The following SHQ1 variants were observed in gnomAD, a reference collection of about 807,000 sequenced individuals.
SHQ1 encodes the protein SHQ1, H/ACA ribonucleoprotein assembly factor.
In SHQ1, 49 loss-of-function variants were observed where a neutral mutation model predicts 53.8. That is an observed-to-expected ratio of 0.91 (90% confidence interval 0.72 to 1.16). The LOEUF (loss-of-function observed/expected upper bound fraction) is 1.16, where lower values mean the gene tolerates loss of function less well. Ranked by LOEUF, SHQ1 falls within the 50% of genes most tolerant of loss-of-function variation. The pLI, the probability that SHQ1 is intolerant of heterozygous loss-of-function variation, is 0.00. For synonymous variants in SHQ1, 243 were observed against 251.0 expected, an observed-to-expected ratio of 0.97 and a Z score of 0.30; for missense variants, 738 against 683.1, an observed-to-expected ratio of 1.08 and a Z score of -0.90.
At chr3:72,770,705 A>G (rs1705827243) in intron 10 of SHQ1, among the ~76,000 whole-genome samples, 1 of 152,236 alleles carries the variant, frequency 6.6e-6, no homozygotes. Context: ...GGGAATCAGA[A>G]CAATACACCT....
At chr3:72,731,180 G>A in the SHQ1 span, among the ~76,000 whole-genome samples, 1 of 135,698 alleles carries the variant, frequency 7.4e-6, no homozygotes, top group Non-Finnish European at 1.6e-5. Flanking sequence ...CCATGGGCCA[G>A]GCATCCAAAA....
chr3:72,793,139 A>C lies in SHQ1; in HGVS notation c.1061-103T>G. ...AGCTCAGAATCCTGATCATTTCTTA[A>C]GAACATTTTTAAATGCAAAAAAATT... On this transcript the variant is annotated intron_variant, in intron 9 of 10. Transcript: ENST00000325599. 3 of 1,094,476 alleles carry C rather than the reference A, an allele frequency of 2.7e-6. No homozygotes were observed. In the South Asian group the frequency reaches 4.8e-5, roughly 17 times the overall value. 67.8% of individuals were successfully genotyped at this position (1,094,476 alleles called of 1,614,324 possible).
At chr3:72,823,449 G>A (rs1227776167) in intron 6 of SHQ1, among the ~76,000 whole-genome samples, 1 of 152,108 alleles carries the variant, frequency 6.6e-6, no homozygotes, top group Non-Finnish European at 1.5e-5. Context: ...CAGAATGAGT[G>A]GTCAAAGAAG....
intron 10 of SHQ1, chr3:72,773,345 C>T (rs1705893677): frequency 1.8e-6 from 1 of 562,424 alleles, no homozygotes; most frequent in African/African-American, 1.9e-5. Context: ...GAGTATACTC[C>T]AACAAGGAAG....
the SHQ1 span, among the ~76,000 whole-genome samples, chr3:72,731,358 AT>A: frequency 6.6e-6 from 1 of 151,560 alleles, no homozygotes; most frequent in Non-Finnish European, 1.5e-5. Flanking sequence ...ATTTCCATAA[AT>A]TCTTTTCAAT....
intron 10 of SHQ1, among the ~76,000 whole-genome samples, chr3:72,751,494 G>GTACATATATATA (rs1431742565): frequency 8.2e-5 from 8 of 97,530 alleles, no homozygotes; most frequent in African/African-American, 1.1e-4. Flanking sequence ...GTGTGTGTGT[G>GTACATATATATA]TGTGTGTGTG....
At chr3:72,726,097 G>C in the SHQ1 span, among the ~76,000 whole-genome samples, 1 of 152,074 alleles carries the variant, frequency 6.6e-6, no homozygotes, top group Non-Finnish European at 1.5e-5. Context: ...TTAAGATCCA[G>C]TCTCTACCAA....
chr3:72,838,830 CA>C (rs1392063154), intron 4 of SHQ1, among the ~76,000 whole-genome samples: 3 of 150,876 alleles, frequency 2.0e-5, no homozygotes. Flanking sequence ...GGGATGTAAA[CA>C]AAAAGGGATT....
chr3:72,744,002 CA>C, the SHQ1 span, among the ~76,000 whole-genome samples: 1 of 152,090 alleles, frequency 6.6e-6, no homozygotes, highest in Non-Finnish European at 1.5e-5. Flanking sequence ...GAGAGCAACG[CA>C]GGAGCAAACA....
At chr3:72,750,972 C>T (rs1705353739) in intron 10 of SHQ1, 136 bp from the exon 11 acceptor site, 1 of 615,728 alleles carries the variant, frequency 1.6e-6, no homozygotes, top group African/African-American at 1.9e-5. Context: ...ATAACAGATC[C>T]AAGATATTTA....
chr3:72,726,153 C>G, the SHQ1 span, among the ~76,000 whole-genome samples: 1 of 152,118 alleles, frequency 6.6e-6, no homozygotes. Flanking sequence ...GATAAAGAAA[C>G]TGAGGCACCA....
At chr3:72,759,389 A>C (rs1232299287) in intron 10 of SHQ1, among the ~76,000 whole-genome samples, 1 of 152,146 alleles carries the variant, frequency 6.6e-6, no homozygotes, top group East Asian at 1.9e-4. Context: ...AATGATGATA[A>C]GGTTAAAACT....
intron 9 of SHQ1, among the ~76,000 whole-genome samples, chr3:72,806,513 T>C: frequency 6.6e-6 from 1 of 151,984 alleles, no homozygotes; most frequent in East Asian, 1.9e-4. Flanking sequence ...ATCTCCCGGG[T>C]GAGGAGCAGG....
intron 9 of SHQ1, among the ~76,000 whole-genome samples, chr3:72,802,556 C>G (rs1266772878): frequency 1.3e-5 from 2 of 152,212 alleles, no homozygotes; most frequent in African/African-American, 2.4e-5. Flanking sequence ...GGCCTCCAGA[C>G]AGATGGGAAT....
chr3:72,807,268 T>C (rs2106841432), intron 9 of SHQ1, among the ~76,000 whole-genome samples: 1 of 152,354 alleles, frequency 6.6e-6, no homozygotes, highest in African/African-American at 2.4e-5. Context: ...GAGCTACTTA[T>C]TACAAATGCA....
chr3:72,765,549 A>T lies in SHQ1; in HGVS notation c.1182-14713T>A, dbSNP rs1351478799. ...ACATGACATATATATATATATATAT[A>T]TATATATATTTTTTTTTTTTTTTTG... On this transcript the variant is annotated intron_variant, in intron 10 of 10. Transcript: ENST00000325599. Among the ~76,000 whole-genome samples the T allele has an allele frequency of 3.8e-4, 36 of 95,374 alleles. 2 individuals are homozygous for T. Among genetic ancestry groups the T allele is most frequent in the African/African-American group, 1.9e-3 (27 of 14,004 alleles). 62.6% of individuals were successfully genotyped at this position (95,374 alleles called of 152,430 possible). A position where few individuals can be genotyped will look rare whatever the true frequency, so the allele number is the denominator to read the frequency against.
chr3:72,827,866 T>C (rs1407705176), intron 5 of SHQ1, among the ~76,000 whole-genome samples: 1 of 151,122 alleles, frequency 6.6e-6, no homozygotes, highest in Non-Finnish European at 1.5e-5. Context: ...GCCATTCTCC[T>C]GCCTCAGCCT....
chr3:72,753,305 A>G (rs1705429283), intron 10 of SHQ1: 1 of 985,326 alleles, frequency 1.0e-6, no homozygotes, highest in Non-Finnish European at 1.2e-6. Context: ...GTAAAAGTAT[A>G]GTCCATCCCA....
intron 10 of SHQ1, among the ~76,000 whole-genome samples, chr3:72,767,813 T>C (rs542245312): frequency 6.6e-6 from 1 of 152,244 alleles, no homozygotes; most frequent in Non-Finnish European, 1.5e-5. Context: ...CCTCCATGGT[T>C]AGGTGGTTGC....
Sources: allele counts gnomAD v4.1 joint callset (sites outside exome capture counted in the v4.1 genomes callset), GRCh38; gene constraint gnomAD v4.1.1; transcripts MANE v1.5; gene names NCBI Gene and HGNC (gene_info 2026-07-23, HGNC 2026-07-21).